The following ARFGEF1 variants were observed in gnomAD, a reference collection of about 807,000 sequenced individuals.
ARFGEF1 encodes ARF guanine nucleotide exchange factor 1.
ARFGEF1 carries 42 observed loss-of-function variants against 231.0 expected under a neutral mutation model. The observed-to-expected ratio is 0.18, with a 90% CI of 0.14 to 0.24. The LOEUF (loss-of-function observed/expected upper bound fraction) is 0.24. Among genes scored for constraint, ARFGEF1 ranks in the 10% least tolerant of loss-of-function variants. ARFGEF1 has a pLI of 1.00. For synonymous variants in ARFGEF1, 710 were observed against 732.3 expected (o/e 0.97, Z 0.49); for missense variants, 1,345 against 2,192.0 (o/e 0.61, Z 7.72).
intron 7 of ARFGEF1, among the ~76,000 whole-genome samples, chr8:67,278,203 C>T (rs1052371673): frequency 7.2e-5 from 11 of 151,984 alleles, no homozygotes; most frequent in African/African-American, 1.7e-4. Context: ...TAAGATAGTA[C>T]GAGAGACACA....
At chr8:67,261,087 C>T (rs1421470250) in intron 14 of ARFGEF1, among the ~76,000 whole-genome samples, 2 of 152,148 alleles carry the variant, frequency 1.3e-5, no homozygotes, top group African/African-American at 2.4e-5. Context: ...AGGAAAGAAG[C>T]AGTCTCCCAA....
At chr8:67,244,242 C>CAAAAAAAAAAAA (rs34333039) in intron 19 of ARFGEF1, among the ~76,000 whole-genome samples, 15 of 20,096 alleles carry the variant, frequency 7.5e-4, no homozygotes, top group South Asian at 2.7e-3. Flanking sequence ...GACTCCACCT[C>CAAAAAAAAAAAA]AAAAAAAAAA....
At chr8:67,328,298 GCTTA>G (rs1266820429) in intron 1 of ARFGEF1, among the ~76,000 whole-genome samples, 2 of 151,994 alleles carry the variant, frequency 1.3e-5, no homozygotes, top group Admixed American at 1.3e-4. Flanking sequence ...TCTTCTGGAA[GCTTA>G]TTTTCTCTGC....
At chr8:67,238,952 C>T in intron 20 of ARFGEF1, 59 bp from the exon 21 acceptor site, 6 of 1,336,206 alleles carry the variant, frequency 4.5e-6, no homozygotes, top group South Asian at 3.3e-5. Context: ...TGATTAATTC[C>T]CCACCAACAA....
chr8:67,225,797 A>G (rs1215574173), intron 28 of ARFGEF1, among the ~76,000 whole-genome samples: 1 of 152,160 alleles, frequency 6.6e-6, no homozygotes. Flanking sequence ...TAGAAGATTA[A>G]ACAAGTTAAT....
chr8:67,263,287 T>C (rs1804711352), intron 14 of ARFGEF1, among the ~76,000 whole-genome samples: 1 of 152,154 alleles, frequency 6.6e-6, no homozygotes, highest in Admixed American at 6.6e-5. Context: ...CCAACACCTG[T>C]CATTTGGGCT....
rs979962604 is a variant in ARFGEF1, at chr8:67,198,367, G to A, written c.*567C>T. 7 of 984,640 alleles carry A rather than the reference G, an allele frequency of 7.1e-6. No homozygotes were observed. The East Asian group carries it at 3.4e-4, about 48-fold the overall frequency. 61.0% of individuals were successfully genotyped at this position (984,640 alleles called of 1,614,324 possible). On this transcript the variant is annotated 3_prime_UTR_variant, in exon 39 of 39. Transcript: ENST00000262215. ...AACAGTGCAGGAAGAACTATATAAT[G>A]TTTTAAGATTTTTATATTACAGACC...
intron 1 of ARFGEF1, among the ~76,000 whole-genome samples, chr8:67,312,226 T>C (rs1807103329): frequency 6.9e-6 from 1 of 144,314 alleles, no homozygotes; most frequent in African/African-American, 2.6e-5. Context: ...CACCCAAGAA[T>C]TATCAATAAA....
chr8:67,271,038 AAAAAAGGAAAAAGAAAAAAAAAAAAAG>A (rs1474187222), intron 10 of ARFGEF1, among the ~76,000 whole-genome samples: 2 of 139,936 alleles, frequency 1.4e-5, no homozygotes, highest in Non-Finnish European at 3.2e-5. Flanking sequence ...AAAAAAAAAA[AAAAAAGGAAAAAGAAAAAAAAAAAAAG>A]AAACTGGTAC....
intron 3 of ARFGEF1, among the ~76,000 whole-genome samples, chr8:67,299,966 C>CAA (rs531164850): frequency 3.5e-5 from 5 of 141,838 alleles, no homozygotes; most frequent in African/African-American, 1.3e-4. Flanking sequence ...GACCTTGTCA[C>CAA]AAAAAAAAAC....
intron 1 of ARFGEF1, among the ~76,000 whole-genome samples, chr8:67,339,469 T>C (rs951554101): frequency 6.6e-6 from 1 of 152,040 alleles, no homozygotes; most frequent in South Asian, 2.1e-4. Flanking sequence ...AAGAAACTCC[T>C]GAAACTTAGA....
rs1214350561 is a variant in ARFGEF1, at chr8:67,343,303, G to A, written c.-16C>T. ...CCTCATACATGGACGCAGAGAAGGA[G>A]GCGGCGGCTCGTCCGACCCGCGGCT... On this transcript the variant is annotated 5_prime_UTR_variant, in exon 1 of 39. Transcript: ENST00000262215. The A allele has an allele frequency of 6.2e-7, 1 of 1,611,638 alleles. No individual in the cohort carries two copies. The highest frequency in any genetic ancestry group is 1.7e-5 in the Admixed American group (1 of 59,894).
rs1271513434 is a variant in ARFGEF1, at chr8:67,343,649, G to T, written c.-362C>A. 6 of 996,882 alleles carry T rather than the reference G, an allele frequency of 6.0e-6. No individual in the cohort carries two copies. The East Asian group carries it at 5.8e-4, about 96-fold the overall frequency. The allele number at this position is 996,882 out of a possible 1,614,324, so 61.8% of individuals were successfully genotyped here. A position where few individuals can be genotyped will look rare whatever the true frequency, so the allele number is the denominator to read the frequency against. ...GGCTGTCTGCCGGGAACTGAGGGAC[G>T]AGGTGGCGGCGGCTCTCAGAGGCAC... On this transcript the variant is annotated 5_prime_UTR_variant, in exon 1 of 39. Coordinates refer to ENST00000262215, the MANE Select transcript of ARFGEF1 (RefSeq NM_006421.5).
At position 67,276,055 on chromosome 8, in the gene ARFGEF1, G is replaced by C; in HGVS notation, c.1258C>G (p.Gln420Glu). 6.2e-7 allele frequency: 1 copy of C among 1,613,408 alleles called. No homozygotes were observed. The highest frequency in any genetic ancestry group is 8.5e-7 in the Non-Finnish European group (1 of 1,179,542). Residue 420 changes from glutamine to glutamate, a missense_variant, in exon 9 of 39, where the codon CAA (glutamine) becomes GAA (glutamate). By Grantham distance (29) the Gln-to-Glu change is conservative. Coordinates refer to ENST00000262215, the MANE Select transcript of ARFGEF1 (RefSeq NM_006421.5). ...CTGAATACTAGAAAGGCATCCTTTT[G>C]TAAAATGTGGGAAAACTTAGCACCA... Reference protein sequence around the residue: ...SPGAKFSHILQKDAFLVFRSL... With the variant: ...SPGAKFSHILEKDAFLVFRSL...
At chr8:67,192,250 T>C (rs1019842679) in intron 5 of ARFGEF1, among the ~76,000 whole-genome samples, 3 of 152,030 alleles carry the variant, frequency 2.0e-5, no homozygotes, top group African/African-American at 7.2e-5. Context: ...AAGTTTTGTA[T>C]TTTTAGTAGA....
intron 34 of ARFGEF1, among the ~76,000 whole-genome samples, chr8:67,208,629 CAAA>C (rs1226322166): frequency 4.0e-5 from 2 of 50,534 alleles, no homozygotes; most frequent in African/African-American, 6.0e-5. Context: ...GACTCCATCT[CAAA>C]AAAAAAAAAA....
At chr8:67,260,044 C>T (rs1840590550) in intron 14 of ARFGEF1, 118 bp from the exon 15 acceptor site, 1 of 589,186 alleles carries the variant, frequency 1.7e-6, no homozygotes, top group African/African-American at 1.9e-5. Context: ...ATTTAATACA[C>T]ATCAGTACAT....
At chr8:67,189,250 C>T (rs565841368) in intron 5 of ARFGEF1, among the ~76,000 whole-genome samples, 6 of 152,246 alleles carry the variant, frequency 3.9e-5, no homozygotes, top group Admixed American at 2.0e-4. Flanking sequence ...TACAGTTCAG[C>T]GTATACACTC....
rs1043128068 is a variant in ARFGEF1 at position 67,343,691 on chromosome 8, C to T, written c.-404G>A. On this transcript the variant is annotated 5_prime_UTR_variant, in exon 1 of 39. Transcript: ENST00000262215. Reference sequence around the variant, plus strand: ...CAGAGGCACCGCGAGAGAAGGGCTACCCTGGCTACTGTGGGGATTAGCACC... The same window carrying T: ...CAGAGGCACCGCGAGAGAAGGGCTATCCTGGCTACTGTGGGGATTAGCACC... 3.6e-6 allele frequency: 3 copies of T among 835,838 alleles called. No homozygotes were observed. Among genetic ancestry groups the T allele is most frequent in the Non-Finnish European group, 4.4e-6 (3 of 689,628 alleles). 51.8% of individuals were successfully genotyped at this position (835,838 alleles called of 1,614,324 possible). A position where few individuals can be genotyped will look rare whatever the true frequency, so the allele number is the denominator to read the frequency against.
Sources: allele counts gnomAD v4.1 joint callset (sites outside exome capture counted in the v4.1 genomes callset), GRCh38; gene constraint gnomAD v4.1.1; transcripts MANE v1.5; gene names NCBI Gene and HGNC (gene_info 2026-07-23, HGNC 2026-07-21).